Variants in ABTB3 observed in about 807,000 individuals in gnomAD.
ABTB3 encodes ankyrin repeat and BTB domain containing 3.
At chr12:107,572,022 C>T in the ABTB3 span, among the ~76,000 whole-genome samples, 3 of 152,150 alleles carry the variant, frequency 2.0e-5, no homozygotes, top group Admixed American at 6.5e-5. Context: ...TGATCAAGTC[C>T]TAATGCGCAG....
the ABTB3 span, among the ~76,000 whole-genome samples, chr12:107,492,556 C>T: frequency 1.3e-5 from 2 of 152,104 alleles, no homozygotes; most frequent in African/African-American, 2.4e-5. Context: ...TCCCACAATC[C>T]TATAGTCACT....
chr12:107,524,045 C>T, the ABTB3 span, among the ~76,000 whole-genome samples: 2 of 152,212 alleles, frequency 1.3e-5, no homozygotes, highest in African/African-American at 2.4e-5. Flanking sequence ...CTAAACAAAT[C>T]TGCTCTTCAC....
the ABTB3 span, chr12:107,581,214 A>T: frequency 6.6e-7 from 1 of 1,515,718 alleles, no homozygotes; most frequent in Admixed American, 2.0e-5. Context: ...CACGCCGGCC[A>T]CCGCCGCAGC....
the ABTB3 span, among the ~76,000 whole-genome samples, chr12:107,585,965 G>T: frequency 1.3e-5 from 2 of 152,230 alleles, no homozygotes; most frequent in African/African-American, 4.8e-5. Context: ...GATACATGGA[G>T]TGCCCAGGAC....
At chr12:107,436,330 C>A in the ABTB3 span, among the ~76,000 whole-genome samples, 1 of 152,196 alleles carries the variant, frequency 6.6e-6, no homozygotes, top group South Asian at 2.1e-4. Flanking sequence ...TTCTGGGAAT[C>A]AGGTGACAGA....
At chr12:107,562,276 T>C in the ABTB3 span, among the ~76,000 whole-genome samples, 35 of 152,332 alleles carry the variant, frequency 2.3e-4, no homozygotes, top group African/African-American at 8.4e-4. Flanking sequence ...AGAAGTAGCA[T>C]ACAGAGAAAT....
chr12:107,373,483 T>TG, the ABTB3 span, among the ~76,000 whole-genome samples: 1 of 152,124 alleles, frequency 6.6e-6, no homozygotes, highest in East Asian at 1.9e-4. Flanking sequence ...TTTGAGGAAG[T>TG]GGGGGTGATT....
At chr12:107,359,179 G>C in the ABTB3 span, among the ~76,000 whole-genome samples, 1 of 152,178 alleles carries the variant, frequency 6.6e-6, no homozygotes, top group Non-Finnish European at 1.5e-5. Flanking sequence ...TTGAGGGCTG[G>C]GCAACTGTGA....
At chr12:107,581,073 AG>A in the ABTB3 span, 7 of 1,539,218 alleles carry the variant, frequency 4.5e-6, no homozygotes, top group Non-Finnish European at 6.1e-6. Context: ...CCCCGCGAGC[AG>A]GGGGTGGGGC....
At chr12:107,609,188 C>T in the ABTB3 span, among the ~76,000 whole-genome samples, 1 of 152,170 alleles carries the variant, frequency 6.6e-6, no homozygotes, top group East Asian at 1.9e-4. Flanking sequence ...GCTGTGTCCT[C>T]TCCCTTTCCA....
chr12:107,578,383 C>CTTTTTTTTTTTTTTTTTTTTT, the ABTB3 span, among the ~76,000 whole-genome samples: 11 of 57,200 alleles, frequency 1.9e-4, no homozygotes, highest in African/African-American at 3.4e-4. Flanking sequence ...CTTTCTTCTT[C>CTTTTTTTTTTTTTTTTTTTTT]TTTTTTTTTT....
the ABTB3 span, among the ~76,000 whole-genome samples, chr12:107,446,608 T>C: frequency 6.6e-6 from 1 of 152,120 alleles, no homozygotes; most frequent in African/African-American, 2.4e-5. Flanking sequence ...AGCTCTTGGA[T>C]ATGTCCTGGG....
the ABTB3 span, among the ~76,000 whole-genome samples, chr12:107,571,416 G>A: frequency 5.3e-5 from 8 of 152,358 alleles, no homozygotes; most frequent in South Asian, 8.3e-4. Context: ...AAGGCTGTGT[G>A]CTGCCTTTTG....
chr12:107,654,274 A>AC, the ABTB3 span, among the ~76,000 whole-genome samples: 6 of 152,124 alleles, frequency 3.9e-5, no homozygotes, highest in Admixed American at 3.9e-4. Flanking sequence ...ATCTGTTCAA[A>AC]TCCCTGTTTT....
At chr12:107,553,128 CTAACA>C in the ABTB3 span, among the ~76,000 whole-genome samples, 1 of 152,172 alleles carries the variant, frequency 6.6e-6, no homozygotes, top group Admixed American at 6.5e-5. Context: ...AATGAACTAA[CTAACA>C]TAAGTGTCAT....
At chr12:107,541,544 G>A in the ABTB3 span, among the ~76,000 whole-genome samples, 2 of 152,254 alleles carry the variant, frequency 1.3e-5, no homozygotes, top group Admixed American at 1.3e-4. Flanking sequence ...GTGCAGGCCA[G>A]CAGGCTGGAG....
the ABTB3 span, among the ~76,000 whole-genome samples, chr12:107,353,931 G>A: frequency 6.6e-6 from 1 of 151,614 alleles, no homozygotes; most frequent in African/African-American, 2.4e-5. Context: ...CCACAAAACC[G>A]GTCCCTGGTG....
At chr12:107,382,139 G>C in the ABTB3 span, among the ~76,000 whole-genome samples, 1 of 152,190 alleles carries the variant, frequency 6.6e-6, no homozygotes, top group Non-Finnish European at 1.5e-5. Flanking sequence ...AATTAGAGTG[G>C]GGATGTATAA....
At chr12:107,496,265 C>G in the ABTB3 span, among the ~76,000 whole-genome samples, 3 of 152,180 alleles carry the variant, frequency 2.0e-5, no homozygotes, top group African/African-American at 4.8e-5. Context: ...CCCAGCACTC[C>G]CACCAGGTGT....
Sources: allele counts gnomAD v4.1 joint callset (sites outside exome capture counted in the v4.1 genomes callset), GRCh38; gene constraint gnomAD v4.1.1; transcripts MANE v1.5; gene names NCBI Gene and HGNC (gene_info 2026-07-23, HGNC 2026-07-21).